ANK2: variants seen among roughly 807,000 people sequenced by gnomAD.
The protein encoded by ANK2 is ankyrin 2.
ANK2 carries 83 observed loss-of-function variants against 360.5 expected under a neutral mutation model. That is an observed-to-expected ratio of 0.23 (90% confidence interval 0.19 to 0.28). The LOEUF is 0.28. ANK2 is among the 10% of genes least tolerant of loss of function. ANK2 has a pLI of 1.00. For synonymous variants in ANK2, 1,740 were observed against 1,759.5 expected (o/e 0.99, Z 0.28); for missense variants, 4,201 against 4,795.7 (o/e 0.88, Z 3.66).
intron 1 of ANK2, among the ~76,000 whole-genome samples, chr4:112,855,084 T>A (rs546212387): frequency 5.9e-5 from 9 of 152,296 alleles, no homozygotes; most frequent in African/African-American, 2.2e-4. Context: ...GAAAGAGAAA[T>A]TGCACTGTTA....
intron 1 of ANK2, among the ~76,000 whole-genome samples, chr4:113,162,367 A>G (rs2097567567): frequency 6.6e-6 from 1 of 152,150 alleles, no homozygotes; most frequent in African/African-American, 2.4e-5. Context: ...CAATCTCCCT[A>G]TTAGGACATA....
In ANK2 at chr4:113,196,412, G is replaced by T. The variant is rs149699185; in HGVS notation, c.231G>T (p.Val77=). 4 of 1,613,842 alleles carry T rather than the reference G, an allele frequency of 2.5e-6. No individual in the cohort carries two copies. The highest frequency in any genetic ancestry group is 4.5e-5 in the East Asian group (2 of 44,876). The change falls in exon 3 of 46, where the codon GTG becomes GTT. Residue 77 remains valine (V), a synonymous_variant. Transcript: ENST00000357077. ...ALHLAAKEGH[V]GLVQELLGRG... is the part of the protein sequence containing the mutation. ...ATCTGGCTGCCAAGGAAGGCCACGT[G>T]GGGCTGGTGCAGGAGCTGCTGGGAA...
chr4:113,258,534 C>A, intron 13 of ANK2, 123 bp downstream of exon 13: 1 of 902,008 alleles, frequency 1.1e-6, no homozygotes, highest in Non-Finnish European at 1.8e-6. Flanking sequence ...TTGAGAAGGG[C>A]CCTTGTAATA....
intron 1 of ANK2, among the ~76,000 whole-genome samples, chr4:112,897,468 A>G (rs2150783163): frequency 6.6e-6 from 1 of 152,342 alleles, no homozygotes; most frequent in South Asian, 2.1e-4. Flanking sequence ...TCTCAGGATC[A>G]GCCTCTTTAT....
chr4:112,795,125 A>G, the ANK2 span, among the ~76,000 whole-genome samples: 1 of 152,192 alleles, frequency 6.6e-6, no homozygotes, highest in Admixed American at 6.5e-5. Context: ...AGAAGTAGGG[A>G]CAGAGAGCAC....
At chr4:113,373,536 T>C in intron 45 of ANK2, 87 bp downstream of exon 45, 1 of 1,398,032 alleles carries the variant, frequency 7.2e-7, no homozygotes, top group South Asian at 1.2e-5. Context: ...TTTATTCATA[T>C]TTTCCTCACT....
chr4:112,927,105 A>G (rs985854760), intron 2 of ANK2, among the ~76,000 whole-genome samples: 9 of 151,958 alleles, frequency 5.9e-5, no homozygotes, highest in Admixed American at 3.9e-4. Flanking sequence ...GGAGGGAACC[A>G]CCCCCATGAT....
At chr4:112,872,188 C>T (rs1264579925) in intron 1 of ANK2, among the ~76,000 whole-genome samples, 4 of 151,720 alleles carry the variant, frequency 2.6e-5, no homozygotes, top group Admixed American at 6.6e-5. Flanking sequence ...CACCATGCCC[C>T]GGCTAATTTT....
chr4:113,125,569 G>C (rs1459722319), intron 1 of ANK2, among the ~76,000 whole-genome samples: 1 of 151,984 alleles, frequency 6.6e-6, no homozygotes, highest in East Asian at 1.9e-4. Context: ...TACAACCTTG[G>C]GTAAACAAAT....
the ANK2 span, among the ~76,000 whole-genome samples, chr4:112,728,480 G>A: frequency 6.6e-6 from 1 of 151,992 alleles, no homozygotes; most frequent in African/African-American, 2.4e-5. Context: ...GGCTGGCACA[G>A]TGGCTCACCC....
At position 113,378,924 on chromosome 4, in the gene ANK2, G is replaced by A. The variant is rs139328479; in HGVS notation, c.11860-2533G>A. 5.5e-4 allele frequency among the ~76,000 whole-genome samples: 83 copies of A among 152,008 alleles called. 1 individual carries two copies. The East Asian group carries it at 0.014, about 25-fold the overall frequency. On this transcript the variant is annotated intron_variant, in intron 45 of 45. Coordinates refer to ENST00000357077, the MANE Select transcript of ANK2 (RefSeq NM_001148.6). ...ATTAATAAAATGTGCTCAGCTTCTC[G>A]GTGAAAAGACACAATGGAAATCCAA... is the stretch of plus-strand genomic sequence containing the variant.
Position 113,311,356 on chromosome 4 carries a change from A to G in ANK2, c.2650A>G (p.Met884Val), listed in dbSNP as rs769599000. 1.9e-6 allele frequency: 3 copies of G among 1,614,164 alleles called. No individual in the cohort carries two copies. The highest frequency in any genetic ancestry group is 1.1e-5 in the South Asian group (1 of 91,086). ...SLPSSQFLDG[M>V]NYLRYSLEGG... ...ACCCAGCAGTCAGTTCCTGGATGGT[A>G]TGAATTACCTGCGATACAGCTTGGA... The change falls in exon 24 of 46, where the codon ATG (methionine) becomes GTG (valine). Residue 884 changes from methionine to valine, a missense_variant. Transcript: ENST00000357077.
At chr4:113,123,113 T>A (rs1034614619) in intron 1 of ANK2, among the ~76,000 whole-genome samples, 2 of 151,900 alleles carry the variant, frequency 1.3e-5, no homozygotes, top group Non-Finnish European at 2.9e-5. Flanking sequence ...GGGATTGACT[T>A]ATTTTTGGAA....
At chr4:113,066,459 G>A (rs1363147478) in intron 1 of ANK2, among the ~76,000 whole-genome samples, 4 of 152,124 alleles carry the variant, frequency 2.6e-5, no homozygotes, top group Non-Finnish European at 5.9e-5. Context: ...ATATTCCTTG[G>A]TCTCAAGAAG....
chr4:112,740,537 T>C, the ANK2 span, among the ~76,000 whole-genome samples: 1 of 151,968 alleles, frequency 6.6e-6, no homozygotes, highest in East Asian at 1.9e-4. Flanking sequence ...ACCCTGTCTC[T>C]ACTAAAAATA....
chr4:113,169,530 T>C (rs1333995436), intron 1 of ANK2, among the ~76,000 whole-genome samples: 1 of 152,220 alleles, frequency 6.6e-6, no homozygotes. Flanking sequence ...ACAAGGAGCC[T>C]GTGCTTTACG....
chr4:113,199,239 C>A, intron 4 of ANK2, 130 bp downstream of exon 4: 1 of 746,690 alleles, frequency 1.3e-6, no homozygotes, highest in Non-Finnish European at 2.2e-6. Flanking sequence ...TTATTTTAGC[C>A]AAATAATTTT....
chr4:113,262,145 ATTC>A (rs2053279365), intron 13 of ANK2, among the ~76,000 whole-genome samples: 1 of 152,218 alleles, frequency 6.6e-6, no homozygotes, highest in African/African-American at 2.4e-5. Flanking sequence ...ACAGAAATTT[ATTC>A]TTATCATCAT....
rs1423278309 is a variant in ANK2 at position 113,381,766 on chromosome 4, A to T, written c.*295A>T. On this transcript the variant is annotated 3_prime_UTR_variant, in exon 46 of 46. Transcript: ENST00000357077. ...CCCGACATTTCCACTGTTAGCAAAT[A>T]TACGGCATTTTGCTTTAGTTTTCCC... is the stretch of plus-strand genomic sequence containing the variant. The T allele has an allele frequency of 1.5e-5, 15 of 1,034,258 alleles. No individual in the cohort carries two copies. Among genetic ancestry groups the T allele is most frequent in the Non-Finnish European group, 2.1e-5 (15 of 726,838 alleles). The allele number at this position is 1,034,258 out of a possible 1,614,324, so 64.1% of individuals were successfully genotyped here. A position where few individuals can be genotyped will look rare whatever the true frequency, so the allele number is the denominator to read the frequency against.
Sources: gnomAD v4.1 joint callset for allele counts (sites outside exome capture counted in the v4.1 genomes callset) on GRCh38, gnomAD v4.1.1 for gene constraint, MANE v1.5 for transcripts, NCBI Gene and HGNC (gene_info 2026-07-23, HGNC 2026-07-21) for gene names.